Variants in LRRC2 observed in about 807,000 individuals in gnomAD.
LRRC2 encodes leucine-rich repeat-containing protein 2.
In LRRC2, 27 loss-of-function variants were observed where a neutral mutation model predicts 40.2. That is an observed-to-expected ratio of 0.67 (90% CI 0.49 to 0.93). The LOEUF (loss-of-function observed/expected upper bound fraction) is 0.93, where lower values mean the gene tolerates loss of function less well. Among genes scored for constraint, LRRC2 ranks in the 40% least tolerant of loss-of-function variants. The probability of loss-of-function intolerance (pLI) is 0.00; values close to 1 mark genes in which losing one functional copy is unlikely to be tolerated. For synonymous variants in LRRC2, 147 were observed against 158.9 expected (o/e 0.92, Z 0.56); for missense variants, 402 against 439.6 (o/e 0.91, Z 0.76).
At chr3:46,533,799 G>C (rs200893215) in intron 4 of LRRC2, among the ~76,000 whole-genome samples, 194 of 60,818 alleles carry the variant, frequency 3.2e-3, no homozygotes, top group South Asian at 8.3e-3. Flanking sequence ...TTCTTTCTTT[G>C]TTTCTTTCTT....
At chr3:46,529,233 C>A (rs1704115976) in intron 6 of LRRC2, among the ~76,000 whole-genome samples, 1 of 151,904 alleles carries the variant, frequency 6.6e-6, no homozygotes, top group African/African-American at 2.4e-5. Context: ...AAGTGAATGA[C>A]TGAAACTTAC....
chr3:46,538,403 G>A (rs1162474463), intron 4 of LRRC2, among the ~76,000 whole-genome samples: 1 of 152,160 alleles, frequency 6.6e-6, no homozygotes, highest in Non-Finnish European at 1.5e-5. Context: ...GGGAAGCCGA[G>A]GCAGGCAGAG....
intron 3 of LRRC2, among the ~76,000 whole-genome samples, chr3:46,543,832 G>C (rs1208991651): frequency 6.6e-6 from 1 of 151,926 alleles, no homozygotes; most frequent in Non-Finnish European, 1.5e-5. Flanking sequence ...CCCTAGAATA[G>C]GCAGCCCGTT....
At chr3:46,541,485 T>C (rs1473727736) in intron 3 of LRRC2, among the ~76,000 whole-genome samples, 2 of 152,230 alleles carry the variant, frequency 1.3e-5, no homozygotes, top group African/African-American at 4.8e-5. Flanking sequence ...AGGAACTTTT[T>C]AGGTGCCATA....
intron 5 of LRRC2, 107 bp from the exon 6 acceptor site, chr3:46,530,157 T>G (rs1704133523): frequency 1.4e-5 from 12 of 885,814 alleles, no homozygotes; most frequent in Non-Finnish European, 1.9e-5. Flanking sequence ...TTTCTATGAA[T>G]ATATGCAAAG....
chr3:46,539,001 C>G, intron 4 of LRRC2, 44 bp downstream of exon 4: 2 of 1,590,808 alleles, frequency 1.3e-6, no homozygotes, highest in East Asian at 4.5e-5. Flanking sequence ...CAGCTGCCTG[C>G]TTAACACACC....
At chr3:46,553,989 T>C (rs1358068335) in intron 1 of LRRC2, among the ~76,000 whole-genome samples, 2 of 152,042 alleles carry the variant, frequency 1.3e-5, no homozygotes, top group East Asian at 1.9e-4. Flanking sequence ...GTTGTTGTTG[T>C]TGTTGTTTCA....
At chr3:46,549,548 T>C (rs1235985306) in intron 2 of LRRC2, among the ~76,000 whole-genome samples, 1 of 152,218 alleles carries the variant, frequency 6.6e-6, no homozygotes, top group Non-Finnish European at 1.5e-5. Context: ...TCCAAGAAGT[T>C]TTCTGTCTTA....
At chr3:46,553,049 G>A (rs1575360081) in intron 1 of LRRC2, among the ~76,000 whole-genome samples, 1 of 152,322 alleles carries the variant, frequency 6.6e-6, no homozygotes, top group Middle Eastern at 3.4e-3. Context: ...TTTGTGGAAT[G>A]CATGAGTGAG....
intron 4 of LRRC2, among the ~76,000 whole-genome samples, chr3:46,537,180 A>AT (rs751702168): frequency 3.3e-5 from 5 of 152,126 alleles, no homozygotes; most frequent in South Asian, 2.1e-4. Context: ...GGCTGGAGTG[A>AT]TGGCTGGTGC....
chr3:46,545,099 T>C lies in LRRC2; in HGVS notation c.280A>G (p.Arg94Gly). The C allele has an allele frequency of 6.2e-7, 1 of 1,614,050 alleles. No individual in the cohort carries two copies. Among genetic ancestry groups the C allele is most frequent in the Non-Finnish European group, 8.5e-7 (1 of 1,180,014 alleles). Residue 94 changes from arginine (R) to glycine (G), a missense_variant, in exon 3 of 9, where the codon AGA becomes GGA. By Grantham distance (125) the Arg-to-Gly change is moderately radical. Transcript: ENST00000395905. ...LTRQSSLPKD[R>G]GKRSSAFVFE... ...ACAAACGCACTGCTCCGTTTGCCTC[T>C]GTCCTTGGGAAGTGAACTCTGCCTT...
chr3:46,549,991 C>A lies in LRRC2; in HGVS notation c.125+1476G>T, dbSNP rs149971536. Among the ~76,000 whole-genome samples, 753 of 152,232 alleles carry A rather than the reference C, an allele frequency of 4.9e-3. 4 individuals are homozygous for A. Among genetic ancestry groups the A allele is most frequent in the Middle Eastern group, 0.017 (5 of 294 alleles). On this transcript the variant is annotated intron_variant, in intron 2 of 8. Coordinates refer to ENST00000395905, the MANE Select transcript of LRRC2 (RefSeq NM_024512.5). Reference sequence around the variant, plus strand: ...GCTTTCTGGTTTAAGGGTTGTAATTCTTTTTTGTTGTTTTTTTGTAAAGAC... The same window carrying A: ...GCTTTCTGGTTTAAGGGTTGTAATTATTTTTTGTTGTTTTTTTGTAAAGAC...
At chr3:46,541,713 G>C (rs559231614) in intron 3 of LRRC2, among the ~76,000 whole-genome samples, 1 of 152,218 alleles carries the variant, frequency 6.6e-6, no homozygotes, top group South Asian at 2.1e-4. Context: ...CTGAAGTCAC[G>C]GCCCAAAGAA....
chr3:46,553,340 C>T (rs189620718), intron 1 of LRRC2, among the ~76,000 whole-genome samples: 13 of 152,342 alleles, frequency 8.5e-5, no homozygotes, highest in Non-Finnish European at 1.6e-4. Flanking sequence ...CCCTGATTTG[C>T]ACAAACACAG....
chr3:46,540,057 C>T (rs767941662), intron 3 of LRRC2, among the ~76,000 whole-genome samples: 1 of 152,196 alleles, frequency 6.6e-6, no homozygotes, highest in Non-Finnish European at 1.5e-5. Context: ...GTGGAAAACT[C>T]CATGGCAGTT....
chr3:46,532,356 G>A (rs989610765), intron 5 of LRRC2, among the ~76,000 whole-genome samples: 7 of 152,170 alleles, frequency 4.6e-5, no homozygotes, highest in African/African-American at 1.7e-4. Context: ...TGTAATCCCA[G>A]GACTCTGGGA....
At position 46,542,325 on chromosome 3, in the gene LRRC2, C is replaced by A. The variant is rs573224425; in HGVS notation, c.333+2721G>T. Among the ~76,000 whole-genome samples the A allele has an allele frequency of 3.8e-3, 386 of 102,466 alleles. 3 individuals carry two copies. The highest frequency in any genetic ancestry group is 0.012 in the African/African-American group (359 of 30,304). 67.2% of individuals were successfully genotyped at this position (102,466 alleles called of 152,430 possible). ...CCAGCCCAGACCACAAAGTGAGACT[C>A]CATCTTTAAAAAAAAATTAAATTAG... On this transcript the variant is annotated intron_variant, in intron 3 of 8. Coordinates refer to ENST00000395905, the MANE Select transcript of LRRC2 (RefSeq NM_024512.5).
chr3:46,528,802 C>T (rs1704108079), intron 6 of LRRC2, among the ~76,000 whole-genome samples: 1 of 152,130 alleles, frequency 6.6e-6, no homozygotes. Context: ...TCATAGCTTG[C>T]TTGTGTTTCT....
At chr3:46,542,235 A>C (rs903710603) in intron 3 of LRRC2, among the ~76,000 whole-genome samples, 5 of 152,036 alleles carry the variant, frequency 3.3e-5, no homozygotes, top group East Asian at 1.9e-4. Flanking sequence ...CATCCCCCCC[A>C]AAAAAACTAT....
Sources: allele counts gnomAD v4.1 joint callset (sites outside exome capture counted in the v4.1 genomes callset), GRCh38; gene constraint gnomAD v4.1.1; transcripts MANE v1.5; gene names NCBI Gene and HGNC (gene_info 2026-07-23, HGNC 2026-07-21).